MTG1: variants seen among roughly 807,000 people sequenced by gnomAD.
The protein encoded by MTG1 is mitochondrial ribosome-associated GTPase 1.
MTG1 carries 30 observed loss-of-function variants against 39.5 expected under a neutral mutation model. The ratio of observed to expected loss-of-function variants is 0.76; its 90% CI spans 0.57 to 1.03. The LOEUF (loss-of-function observed/expected upper bound fraction) is 1.03. MTG1 is among the 50% of genes least tolerant of loss of function. MTG1 has a pLI of 0.00. For synonymous variants in MTG1, 217 were observed against 179.0 expected (o/e 1.21, Z -1.69); for missense variants, 513 against 447.4 (o/e 1.15, Z -1.32).
At chr10:133,404,575 C>T (rs1344743123) in intron 9 of MTG1, among the ~76,000 whole-genome samples, 1 of 152,156 alleles carries the variant, frequency 6.6e-6, no homozygotes, top group East Asian at 1.9e-4. Context: ...TCCAGTTTAT[C>T]AGCTAGATCT....
At position 133,399,633 on chromosome 10, in the gene MTG1, C is replaced by T. The variant is rs1447469062; in HGVS notation, c.511+14C>T. 8 of 1,611,172 alleles carry T rather than the reference C, an allele frequency of 5.0e-6. No homozygotes were observed. Among genetic ancestry groups the T allele is most frequent in the East Asian group, 2.2e-5 (1 of 44,852 alleles). ...ACCTCAGGAAAGGTACTGGCGCGTGCGGCTGATCACCTCAGGAAAGGTACT... is the reference window on the plus strand; with the variant it reads ...ACCTCAGGAAAGGTACTGGCGCGTGTGGCTGATCACCTCAGGAAAGGTACT... On this transcript the variant is annotated intron_variant, in intron 6 of 10. Transcript: ENST00000317502.
Position 133,417,978 on chromosome 10 carries a change from C to T in MTG1, c.753-1502C>T, listed in dbSNP as rs865895082. Among the ~76,000 whole-genome samples, 65 of 152,258 alleles carry T rather than the reference C, an allele frequency of 4.3e-4. No individual in the cohort carries two copies. The East Asian group carries it at 0.011, about 25-fold the overall frequency. The stretch of plus-strand genomic sequence containing the variant: ...GGTAATTTATAGATTCAATGCCATC[C>T]CCATCAAGCTACCAATGACTTTCTT... On this transcript the variant is annotated intron_variant, in intron 9 of 10. Transcript: ENST00000317502.
intron 9 of MTG1, among the ~76,000 whole-genome samples, chr10:133,412,784 AC>A: frequency 6.6e-6 from 1 of 152,188 alleles, no homozygotes; most frequent in African/African-American, 2.4e-5. Flanking sequence ...GGTTTCATTG[AC>A]TTTCTGTTGT....
chr10:133,399,424 C>G, intron 5 of MTG1, 105 bp from the exon 6 acceptor site: 2 of 1,286,112 alleles, frequency 1.6e-6, no homozygotes, highest in Non-Finnish European at 2.2e-6. Flanking sequence ...CTCCCTTCTT[C>G]CCTGAGCTGA....
chr10:133,398,540 C>G, intron 4 of MTG1, 25 bp downstream of exon 4: 8 of 1,601,080 alleles, frequency 5.0e-6, no homozygotes, highest in Non-Finnish European at 6.0e-6. Flanking sequence ...TGTGCTCTCT[C>G]TGACGCTTCT....
At chr10:133,409,765 C>A (rs917085216) in intron 9 of MTG1, among the ~76,000 whole-genome samples, 1 of 152,148 alleles carries the variant, frequency 6.6e-6, no homozygotes, top group South Asian at 2.1e-4. Context: ...CTTTATCAAT[C>A]GTATAGTGAC....
chr10:133,414,484 C>T (rs1363802920), intron 9 of MTG1, among the ~76,000 whole-genome samples: 16 of 152,028 alleles, frequency 1.1e-4, no homozygotes, highest in East Asian at 1.9e-4. Flanking sequence ...ACTTCCCAGA[C>T]GGGGTGGCTG....
chr10:133,395,748 G>A lies in MTG1; in HGVS notation c.148G>A (p.Asp50Asn). 1 of 1,614,160 alleles carries A rather than the reference G, an allele frequency of 6.2e-7. No individual in the cohort carries two copies. Among genetic ancestry groups the A allele is most frequent in the Non-Finnish European group, 8.5e-7 (1 of 1,180,026 alleles). ...KKMQSSLKLVDCIIEVHDARI... is the reference protein window; with the variant it reads ...KKMQSSLKLVNCIIEVHDARI... ...GATGCAGAGCAGCCTGAAGCTGGTG[G>A]ACTGTATCATCGAGGTCCACGATGC... The change falls in exon 2 of 11, where the codon GAC becomes AAC. Residue 50 changes from aspartate (D) to asparagine (N), a missense_variant. Asp to Asn is a conservative substitution (Grantham distance 23, BLOSUM62 1). Transcript: ENST00000317502.
intron 9 of MTG1, among the ~76,000 whole-genome samples, chr10:133,412,270 C>T (rs1010314997): frequency 1.3e-5 from 2 of 151,876 alleles, no homozygotes; most frequent in Non-Finnish European, 1.5e-5. Context: ...GATGTCATTC[C>T]CTCTATTAAC....
intron 9 of MTG1, among the ~76,000 whole-genome samples, chr10:133,413,671 T>C (rs2133511364): frequency 6.6e-6 from 1 of 152,344 alleles, no homozygotes; most frequent in East Asian, 1.9e-4. Context: ...GAGAGGTTGC[T>C]TTAGGGTGTA....
chr10:133,416,517 AG>A (rs1850136326), intron 9 of MTG1, among the ~76,000 whole-genome samples: 1 of 150,076 alleles, frequency 6.7e-6, no homozygotes, highest in Admixed American at 6.6e-5. Flanking sequence ...CTCGTCATTT[AG>A]CATTAGGTAT....
At chr10:133,412,329 CTT>C (rs1315881569) in intron 9 of MTG1, among the ~76,000 whole-genome samples, 2 of 152,072 alleles carry the variant, frequency 1.3e-5, no homozygotes, top group East Asian at 3.8e-4. Flanking sequence ...TTTATGTTCA[CTT>C]TTGATTTTTC....
At chr10:133,406,821 TACCTGGCTA>T (rs1849977029) in intron 9 of MTG1, among the ~76,000 whole-genome samples, 1 of 152,030 alleles carries the variant, frequency 6.6e-6, no homozygotes, top group Non-Finnish European at 1.5e-5. Context: ...CCCGCCACCA[TACCTGGCTA>T]AGTTTTGTAT....
rs758152408 is a variant in MTG1 at position 133,420,505 on chromosome 10, G to A, written c.*340G>A. ...TTTAAAATCTCCAGTTAAAGGGCCTGTTTCTTACTGGCCTGTGAGGTGCAC... is the reference window on the plus strand; with the variant it reads ...TTTAAAATCTCCAGTTAAAGGGCCTATTTCTTACTGGCCTGTGAGGTGCAC... On this transcript the variant is annotated 3_prime_UTR_variant, in exon 11 of 11. Transcript: ENST00000317502. The A allele has an allele frequency of 1.6e-5, 4 of 250,044 alleles. No individual in the cohort carries two copies. The highest frequency in any genetic ancestry group is 3.0e-5 in the Non-Finnish European group (4 of 132,308). The allele number at this position is 250,044 out of a possible 1,614,324, so 15.5% of individuals were successfully genotyped here. A position where few individuals can be genotyped will look rare whatever the true frequency, so the allele number is the denominator to read the frequency against.
At chr10:133,412,431 C>T (rs938769237) in intron 9 of MTG1, among the ~76,000 whole-genome samples, 2 of 152,084 alleles carry the variant, frequency 1.3e-5, no homozygotes, top group Non-Finnish European at 2.9e-5. Flanking sequence ...TCTATTAGCT[C>T]TTTGTAGATT....
chr10:133,418,640 G>GACTCAC (rs1405804733), intron 9 of MTG1, among the ~76,000 whole-genome samples: 2 of 152,068 alleles, frequency 1.3e-5, no homozygotes, highest in East Asian at 3.9e-4. Context: ...GCTTTGCTGG[G>GACTCAC]CCTTGGGGTG....
At chr10:133,396,127 A>G (rs896952740) in intron 2 of MTG1, 36 bp from the exon 3 acceptor site, 1 of 1,584,850 alleles carries the variant, frequency 6.3e-7, no homozygotes, top group Non-Finnish European at 8.7e-7. Flanking sequence ...GTTGGCTGGT[A>G]AAGCTTTGGA....
At chr10:133,408,699 G>A (rs1272336823) in intron 9 of MTG1, among the ~76,000 whole-genome samples, 4 of 152,134 alleles carry the variant, frequency 2.6e-5, no homozygotes, top group East Asian at 3.9e-4. Context: ...GATGAAAGAC[G>A]TTTTATTACT....
chr10:133,414,785 A>G lies in MTG1; in HGVS notation c.753-4695A>G, dbSNP rs1436193914. Among the ~76,000 whole-genome samples, 7 of 152,198 alleles carry G rather than the reference A, an allele frequency of 4.6e-5. No individual in the cohort carries two copies. The South Asian group carries it at 8.3e-4, about 18-fold the overall frequency. The stretch of plus-strand genomic sequence containing the variant: ...GGGTGGCGGCCGGGCAGAGGCTGCA[A>G]TCTCGGCACTTTGGGAGGCCAAGGC... On this transcript the variant is annotated intron_variant, in intron 9 of 10. Coordinates refer to ENST00000317502, the MANE Select transcript of MTG1 (RefSeq NM_138384.4).
Sources: allele counts gnomAD v4.1 joint callset (sites outside exome capture counted in the v4.1 genomes callset), GRCh38; gene constraint gnomAD v4.1.1; transcripts MANE v1.5; gene names NCBI Gene and HGNC (gene_info 2026-07-23, HGNC 2026-07-21).